Variants in PRKCE observed in about 807,000 individuals in gnomAD.
The protein encoded by PRKCE is protein kinase C epsilon type.
In PRKCE, 16 loss-of-function variants were observed where a neutral mutation model predicts 85.4. The ratio of observed to expected loss-of-function variants is 0.19; its 90% confidence interval spans 0.13 to 0.28. The LOEUF (loss-of-function observed/expected upper bound fraction) is 0.28, where lower values mean the gene tolerates loss of function less well. Among genes scored for constraint, PRKCE ranks in the 10% least tolerant of loss-of-function variants. The pLI is 1.00. For missense variants in PRKCE, 573 were observed against 975.2 expected, an observed-to-expected ratio of 0.59 and a Z score of 5.49; for synonymous variants, 388 against 371.5, an observed-to-expected ratio of 1.04 and a Z score of -0.51.
At chr2:45,833,175 T>G (rs55751321) in intron 1 of PRKCE, among the ~76,000 whole-genome samples, 11,008 of 145,568 alleles carry the variant, frequency 0.076, 705 homozygotes, top group African/African-American at 0.17. Flanking sequence ...AAAGAAAAAA[T>G]AACTGAATAT....
At chr2:45,932,001 G>C (rs754101074) in intron 2 of PRKCE, among the ~76,000 whole-genome samples, 22 of 152,194 alleles carry the variant, frequency 1.4e-4, no homozygotes, top group Non-Finnish European at 2.9e-4. Context: ...ACAGGCGTGA[G>C]CCACCACACC....
intron 11 of PRKCE, among the ~76,000 whole-genome samples, chr2:46,107,223 G>GA (rs1256562329): frequency 6.6e-6 from 1 of 152,180 alleles, no homozygotes; most frequent in African/African-American, 2.4e-5. Context: ...TGCCTTTGCA[G>GA]AATGCCATTT....
chr2:46,132,102 C>T (rs1674519529), intron 11 of PRKCE, among the ~76,000 whole-genome samples: 2 of 152,056 alleles, frequency 1.3e-5, no homozygotes, highest in Admixed American at 1.3e-4. Flanking sequence ...GACCTCTGAA[C>T]CACCCAAGTT....
chr2:46,096,183 T>C (rs368305026), intron 11 of PRKCE, among the ~76,000 whole-genome samples: 4 of 152,350 alleles, frequency 2.6e-5, no homozygotes, highest in African/African-American at 9.6e-5. Flanking sequence ...TTTTCCTGGG[T>C]AGAATAATTA....
Position 45,832,618 on chromosome 2 carries a change from A to C in PRKCE, c.349-10382A>C, listed in dbSNP as rs180896328. 1.7e-3 allele frequency among the ~76,000 whole-genome samples: 266 copies of C among 152,210 alleles called. 2 individuals carry two copies. In the Middle Eastern group the frequency reaches 0.024, roughly 14 times the overall value. On this transcript the variant is annotated intron_variant, in intron 1 of 14. Coordinates refer to ENST00000306156, the MANE Select transcript of PRKCE (RefSeq NM_005400.3). ...GAGCCACCGCACCCGGCCAAGGAGC[A>C]ACTTTTTATCATTCATGCAGTATGG... is the stretch of plus-strand genomic sequence containing the variant.
intron 11 of PRKCE, among the ~76,000 whole-genome samples, chr2:46,132,350 C>T (rs1674546387): frequency 6.6e-6 from 1 of 152,186 alleles, no homozygotes; most frequent in Non-Finnish European, 1.5e-5. Context: ...CACACCTAGT[C>T]AGCATGTCCA....
intron 1 of PRKCE, among the ~76,000 whole-genome samples, chr2:45,662,245 G>T (rs903205646): frequency 6.6e-6 from 1 of 152,130 alleles, no homozygotes; most frequent in African/African-American, 2.4e-5. Flanking sequence ...AATATGCCAG[G>T]TGCTATGCCC....
rs960068190 is a variant in PRKCE, at chr2:46,041,628, G to A, written c.1437+31111G>A. 6.6e-6 allele frequency among the ~76,000 whole-genome samples: 1 copy of A among 152,212 alleles called. No individual in the cohort carries two copies. Among genetic ancestry groups the A allele is most frequent in the African/African-American group, 2.4e-5 (1 of 41,450 alleles). ...TCTGGATCTGTTTACCAAGTTAACTGCCAAGTCACAAATAATAGCTTTTTC... is the reference window on the plus strand; with the variant it reads ...TCTGGATCTGTTTACCAAGTTAACTACCAAGTCACAAATAATAGCTTTTTC... On this transcript the variant is annotated intron_variant, in intron 10 of 14. Transcript: ENST00000306156. The surrounding 1 kb of genome is among the most constrained non-coding windows in gnomAD (Gnocchi z 5.5).
rs34264556 is a variant in PRKCE at position 45,935,067 on chromosome 2, T to TCTCTCACA, written c.413-41361_413-41360insTCTCACAC. ...CAAAGCGAGACACTCACTCTCTCTCTCACACACACACACACACACACACAC... is the reference window on the plus strand; with the variant it reads ...CAAAGCGAGACACTCACTCTCTCTCTCTCTCACACACACACACACACACACACACACAC... On this transcript the variant is annotated intron_variant, in intron 2 of 14. Transcript: ENST00000306156. 3.3e-4 allele frequency among the ~76,000 whole-genome samples: 49 copies of TCTCTCACA among 146,352 alleles called. No individual in the cohort carries two copies. The Middle Eastern group carries it at 0.01, about 31-fold the overall frequency.
rs146512389 is a variant in PRKCE, at chr2:45,688,157, A to G, written c.348+35709A>G. ...CTCAGATAATGATGCCACCTGTTACACAGTCCATCAGCATAATTATAGGTG... is the reference window on the plus strand; with the variant it reads ...CTCAGATAATGATGCCACCTGTTACGCAGTCCATCAGCATAATTATAGGTG... On this transcript the variant is annotated intron_variant, in intron 1 of 14. Coordinates refer to ENST00000306156, the MANE Select transcript of PRKCE (RefSeq NM_005400.3). Among the ~76,000 whole-genome samples the G allele has an allele frequency of 8.5e-5, 13 of 152,336 alleles. No homozygotes were observed. The East Asian group carries it at 2.5e-3, about 29-fold the overall frequency.
chr2:46,031,402 C>T (rs957129024), intron 10 of PRKCE, among the ~76,000 whole-genome samples: 7 of 152,122 alleles, frequency 4.6e-5, no homozygotes, highest in Admixed American at 2.6e-4. Flanking sequence ...TCTCACATCC[C>T]GCCTCTTCCA....
At chr2:45,926,779 A>G (rs1163642266) in intron 2 of PRKCE, among the ~76,000 whole-genome samples, 1 of 152,374 alleles carries the variant, frequency 6.6e-6, no homozygotes, top group Non-Finnish European at 1.5e-5. Context: ...TGGAAATAGA[A>G]TTTGAGCTTA....
chr2:45,773,174 G>C (rs1251868942), intron 1 of PRKCE, among the ~76,000 whole-genome samples: 1 of 152,160 alleles, frequency 6.6e-6, no homozygotes, highest in South Asian at 2.1e-4. Context: ...ATCCATGTTG[G>C]CTCCTGGGAC....
At chr2:45,723,686 C>A (rs1680814437) in intron 1 of PRKCE, among the ~76,000 whole-genome samples, 1 of 152,162 alleles carries the variant, frequency 6.6e-6, no homozygotes, top group South Asian at 2.1e-4. Flanking sequence ...CTCACTGCAA[C>A]CTCCGCCTTC....
rs769499415 is a variant in PRKCE at position 46,184,855 on chromosome 2, T to C, written c.2188T>C (p.Tyr730His). Residue 730 changes from tyrosine (Y) to histidine (H), a missense_variant, in exon 15 of 15, where the codon TAC becomes CAC. Physicochemically the swap from Tyr to His is moderately conservative, Grantham distance 83. This residue lies in a region of PRKCE where 45 missense variants were observed against 39.1 expected (regional missense o/e 1.15). Coordinates refer to ENST00000306156, the MANE Select transcript of PRKCE (RefSeq NM_005400.3). This position sits in a 1 kb window ranked among gnomAD's most constrained non-coding sequence, Gnocchi z 5.0. Reference sequence around the variant, plus strand: ...CCAGGAGGAATTCAAAGGTTTCTCCTACTTTGGTGAAGACCTGATGCCCTG... The same window carrying C: ...CCAGGAGGAATTCAAAGGTTTCTCCCACTTTGGTGAAGACCTGATGCCCTG... ...INQEEFKGFS[Y>H]FGEDLMP 4 of 1,599,802 alleles carry C rather than the reference T, an allele frequency of 2.5e-6. No individual in the cohort carries two copies. The East Asian group carries it at 8.9e-5, about 36-fold the overall frequency.
chr2:46,156,466 G>A (rs765448416), intron 13 of PRKCE, among the ~76,000 whole-genome samples: 5 of 152,174 alleles, frequency 3.3e-5, no homozygotes, highest in East Asian at 1.9e-4. Context: ...GGCAGGGACC[G>A]TGTCTCATCA....
chr2:46,125,765 T>C (rs909008865), intron 11 of PRKCE, among the ~76,000 whole-genome samples: 1 of 152,212 alleles, frequency 6.6e-6, no homozygotes, highest in African/African-American at 2.4e-5. Context: ...AAAATCAGTG[T>C]TCTGCCTATG....
chr2:45,802,269 G>T (rs1176798054), intron 1 of PRKCE, among the ~76,000 whole-genome samples: 5 of 151,928 alleles, frequency 3.3e-5, no homozygotes, highest in Non-Finnish European at 7.4e-5. Context: ...CTTCATACAT[G>T]AGTAAATAAA....
At chr2:45,785,333 T>G (rs1351584745) in intron 1 of PRKCE, among the ~76,000 whole-genome samples, 2 of 151,686 alleles carry the variant, frequency 1.3e-5, no homozygotes, top group Non-Finnish European at 2.9e-5. Context: ...TCTACTAAAA[T>G]TACAAAAATT....
Sources: allele counts gnomAD v4.1 joint callset (sites outside exome capture counted in the v4.1 genomes callset), GRCh38; gene constraint gnomAD v4.1.1; regional missense constraint gnomAD v4.1.1; non-coding constraint Gnocchi (gnomAD v3.1); transcripts MANE v1.5; gene names NCBI Gene and HGNC (gene_info 2026-07-23, HGNC 2026-07-21).